Variants in PCYT1A observed in about 807,000 individuals in gnomAD.
PCYT1A encodes the protein choline-phosphate cytidylyltransferase A.
PCYT1A carries 25 observed loss-of-function variants against 43.7 expected under a neutral mutation model. The ratio of observed to expected loss-of-function variants is 0.57; its 90% CI spans 0.42 to 0.80. The LOEUF is 0.80. Among genes scored for constraint, PCYT1A ranks in the 30% least tolerant of loss-of-function variants. PCYT1A has a pLI of 0.00. For missense variants in PCYT1A, 421 were observed against 474.2 expected, an observed-to-expected ratio of 0.89 and a Z score of 1.04; for synonymous variants, 172 against 170.7, an observed-to-expected ratio of 1.01 and a Z score of -0.06.
chr3:196,248,615 G>A (rs1415758170), intron 3 of PCYT1A, among the ~76,000 whole-genome samples: 2 of 151,768 alleles, frequency 1.3e-5, no homozygotes, highest in South Asian at 4.2e-4. Flanking sequence ...CAAATGACCC[G>A]CCAGCCTCAG....
Position 196,248,467 on chromosome 3 carries a change from G to A in PCYT1A, c.218-144C>T, listed in dbSNP as rs1299491081. On this transcript the variant is annotated intron_variant, in intron 3 of 8. Transcript: ENST00000431016. The stretch of plus-strand genomic sequence containing the variant: ...GCTCACTGCAACTTCCGCCTCCTGG[G>A]TTCAAGTGATTCTCCTGCCTCAGCC... 9 of 497,260 alleles carry A rather than the reference G, an allele frequency of 1.8e-5. No homozygotes were observed. The East Asian group carries it at 2.6e-4, about 14-fold the overall frequency. 30.8% of individuals were successfully genotyped at this position (497,260 alleles called of 1,614,324 possible).
chr3:196,248,065 T>C (rs12490786), intron 4 of PCYT1A, 142 bp downstream of exon 4: 3 of 658,724 alleles, frequency 4.6e-6, no homozygotes, highest in South Asian at 1.8e-5. Flanking sequence ...CTGGTACCCA[T>C]ATACTTCATG....
intron 3 of PCYT1A, among the ~76,000 whole-genome samples, chr3:196,256,223 G>A (rs1212314270): frequency 6.6e-6 from 1 of 152,204 alleles, no homozygotes; most frequent in Non-Finnish European, 1.5e-5. Context: ...CCGGCGCGGT[G>A]GCTCACGCCT....
intron 3 of PCYT1A, among the ~76,000 whole-genome samples, chr3:196,253,931 C>T (rs1380716766): frequency 6.7e-6 from 1 of 149,236 alleles, no homozygotes; most frequent in Non-Finnish European, 1.5e-5. Context: ...ATAATTTTTC[C>T]TGTTTCTATT....
Position 196,273,356 on chromosome 3 carries a change from G to A in PCYT1A, c.-10-2815C>T, listed in dbSNP as rs1725492637. 1.3e-5 allele frequency among the ~76,000 whole-genome samples: 2 copies of A among 152,118 alleles called. No homozygotes were observed. The highest frequency in any genetic ancestry group is 2.4e-5 in the African/African-American group (1 of 41,414). On this transcript the variant is annotated intron_variant, in intron 1 of 8. Transcript: ENST00000431016. This position sits in a 1 kb window ranked among gnomAD's most constrained non-coding sequence, Gnocchi z 4.1. ...AGTGGGGGAGGGGAGGACGTGTTTC[G>A]GCTCTGTTTGTGTTTCAGCTCTTTC...
intron 2 of PCYT1A, among the ~76,000 whole-genome samples, chr3:196,263,040 G>T (rs559383590): frequency 3.4e-4 from 51 of 152,024 alleles, no homozygotes; most frequent in Middle Eastern, 3.4e-3. Flanking sequence ...TGATCCACCC[G>T]CCTCGGCCTC....
Position 196,273,975 on chromosome 3 carries a change from G to C in PCYT1A, c.-10-3434C>G, listed in dbSNP as rs1725515228. Among the ~76,000 whole-genome samples, 1 of 152,224 alleles carries C rather than the reference G, an allele frequency of 6.6e-6. No homozygotes were observed. The highest frequency in any genetic ancestry group is 6.5e-5 in the Admixed American group (1 of 15,278). The stretch of plus-strand genomic sequence containing the variant: ...GAAGGGGCGCCTGCAGGCCTGAATG[G>C]AGCTGCTCTCAGCTCCGCCTTGGCG... On this transcript the variant is annotated intron_variant, in intron 1 of 8. Coordinates refer to ENST00000431016, the MANE Select transcript of PCYT1A (RefSeq NM_001312673.2). This position sits in a 1 kb window ranked among gnomAD's most constrained non-coding sequence, Gnocchi z 4.1.
In PCYT1A at chr3:196,268,881, T is replaced by A. The variant is rs929055941; in HGVS notation, c.117+1534A>T. ...AATAAAGGAAGATTATTCTGGTTTATCTGGGTATACCGAACGTAATCACAA... is the reference window on the plus strand; with the variant it reads ...AATAAAGGAAGATTATTCTGGTTTAACTGGGTATACCGAACGTAATCACAA... On this transcript the variant is annotated intron_variant, in intron 2 of 8. Coordinates refer to ENST00000431016, the MANE Select transcript of PCYT1A (RefSeq NM_001312673.2). This position sits in a 1 kb window ranked among gnomAD's most constrained non-coding sequence, Gnocchi z 4.4. Among the ~76,000 whole-genome samples the A allele has an allele frequency of 2.0e-5, 3 of 152,244 alleles. No individual in the cohort carries two copies. The highest frequency in any genetic ancestry group is 4.4e-5 in the Non-Finnish European group (3 of 68,046).
chr3:196,249,230 T>A (rs1577359215), intron 3 of PCYT1A, among the ~76,000 whole-genome samples: 1 of 151,984 alleles, frequency 6.6e-6, no homozygotes, highest in Non-Finnish European at 1.5e-5. Flanking sequence ...CACGGCAGCC[T>A]TGACCTCCTG....
intron 3 of PCYT1A, among the ~76,000 whole-genome samples, chr3:196,256,575 T>A (rs1237250924): frequency 6.6e-6 from 1 of 152,206 alleles, no homozygotes; most frequent in Non-Finnish European, 1.5e-5. Flanking sequence ...GGTCTCGCTC[T>A]GTCACCCAGG....
chr3:196,264,154 G>A (rs1196991165), intron 2 of PCYT1A, among the ~76,000 whole-genome samples: 3 of 152,028 alleles, frequency 2.0e-5, no homozygotes, highest in African/African-American at 4.8e-5. Context: ...TCTACACAAC[G>A]TACCTAAGAC....
intron 5 of PCYT1A, among the ~76,000 whole-genome samples, chr3:196,243,571 C>T (rs1724435753): frequency 6.6e-6 from 1 of 152,002 alleles, no homozygotes; most frequent in African/African-American, 2.4e-5. Context: ...CTATGGTCTC[C>T]CTCTGATGCC....
At chr3:196,279,111 A>C (rs1391358722) in intron 1 of PCYT1A, among the ~76,000 whole-genome samples, 1 of 152,026 alleles carries the variant, frequency 6.6e-6, no homozygotes, top group Admixed American at 6.6e-5. Context: ...AACATGGTGA[A>C]GCCCGGTCTC....
chr3:196,239,444 G>C, intron 8 of PCYT1A, 103 bp downstream of exon 8: 2 of 701,834 alleles, frequency 2.8e-6, no homozygotes, highest in Non-Finnish European at 4.9e-6. Flanking sequence ...TAAGGGGATA[G>C]ACTAGATAAC....
intron 1 of PCYT1A, among the ~76,000 whole-genome samples, chr3:196,285,782 A>G (rs1037962622): frequency 6.6e-6 from 1 of 152,156 alleles, no homozygotes; most frequent in Admixed American, 6.5e-5. Context: ...GTCATAGTTT[A>G]CTGCTATTAC....
Position 196,270,473 on chromosome 3 carries a change from C to G in PCYT1A, c.59G>C (p.Gly20Ala). Residue 20 changes from glycine (G) to alanine (A), a missense_variant, in exon 2 of 9, where the codon GGA (glycine) becomes GCA (alanine). Coordinates refer to ENST00000431016, the MANE Select transcript of PCYT1A (RefSeq NM_001312673.2). The stretch of plus-strand genomic sequence containing the variant: ...ATCTTCTTCTGTTGCCCCGTTGGGT[C>G]CGGGCGCCTCTTTTCTCCTCTTCCT... ...NARKRRKEAP[G>A]PNGATEEDGV... The G allele has an allele frequency of 6.2e-7, 1 of 1,614,186 alleles. No homozygotes were observed. Among genetic ancestry groups the G allele is most frequent in the Non-Finnish European group, 8.5e-7 (1 of 1,180,038 alleles).
At chr3:196,246,946 G>A (rs1019431897) in intron 5 of PCYT1A, among the ~76,000 whole-genome samples, 3 of 151,590 alleles carry the variant, frequency 2.0e-5, no homozygotes, top group Non-Finnish European at 4.4e-5. Context: ...CTTGTGGCGA[G>A]TTCAGTTCCC....
At chr3:196,280,235 A>G (rs1342117666) in intron 1 of PCYT1A, among the ~76,000 whole-genome samples, 1 of 152,154 alleles carries the variant, frequency 6.6e-6, no homozygotes, top group African/African-American at 2.4e-5. Context: ...AATATAGCAG[A>G]GTCCTCTCTT....
In PCYT1A at chr3:196,242,447, T is replaced by C. The variant is rs1423819349; in HGVS notation, c.565+115A>G. On this transcript the variant is annotated intron_variant, in intron 6 of 8. Transcript: ENST00000431016. The surrounding 1 kb of genome is among the most constrained non-coding windows in gnomAD (Gnocchi z 4.2). ...TTTACCTTTTATCCAAAATGTGGCCTGAAAGAGGATGTTGAATTTCTAATG... is the reference window on the plus strand; with the variant it reads ...TTTACCTTTTATCCAAAATGTGGCCCGAAAGAGGATGTTGAATTTCTAATG... The C allele has an allele frequency of 2.5e-6, 2 of 796,334 alleles. No homozygotes were observed. The highest frequency in any genetic ancestry group is 4.5e-6 in the Non-Finnish European group (2 of 441,528). The allele number at this position is 796,334 out of a possible 1,614,324, so 49.3% of individuals were successfully genotyped here.
Sources: allele counts gnomAD v4.1 joint callset (sites outside exome capture counted in the v4.1 genomes callset), GRCh38; gene constraint gnomAD v4.1.1; non-coding constraint Gnocchi (gnomAD v3.1); transcripts MANE v1.5; gene names NCBI Gene and HGNC (gene_info 2026-07-23, HGNC 2026-07-21).